Variants in ZNF609 observed in about 807,000 individuals in gnomAD.
The protein encoded by ZNF609 is zinc finger protein 609.
In ZNF609, 11 loss-of-function variants were observed where a neutral mutation model predicts 109.5. The ratio of observed to expected loss-of-function variants is 0.10; its 90% CI spans 0.06 to 0.17. The LOEUF (loss-of-function observed/expected upper bound fraction) is 0.17. ZNF609 is among the 10% of genes least tolerant of loss of function. ZNF609 has a pLI of 1.00. For missense variants in ZNF609, 1,559 were observed against 1,772.4 expected, an observed-to-expected ratio of 0.88 and a Z score of 2.16; for synonymous variants, 646 against 662.0, an observed-to-expected ratio of 0.98 and a Z score of 0.37.
chr15:64,482,376 G>A (rs1011118111), intron 1 of ZNF609, among the ~76,000 whole-genome samples: 2 of 148,330 alleles, frequency 1.3e-5, no homozygotes, highest in Non-Finnish European at 3.0e-5. Flanking sequence ...TTTCCTATAC[G>A]TTTTTTTTTT....
Position 64,674,787 on chromosome 15 carries a change from C to G in ZNF609, c.1933C>G (p.Pro645Ala). Residue 645 changes from proline to alanine, a missense_variant, in exon 5 of 10, where the codon CCT (proline) becomes GCT (alanine). Coordinates refer to ENST00000326648, the MANE Select transcript of ZNF609 (RefSeq NM_015042.2). ...ATGTAAAAAACCCTCTAGTTTAAAACCTGAAAAGATTCCTTCCAAGAGCCT... is the reference window on the plus strand; with the variant it reads ...ATGTAAAAAACCCTCTAGTTTAAAAGCTGAAAAGATTCCTTCCAAGAGCCT... The part of the protein sequence containing the change: ...EKCKKPSSLK[P>A]EKIPSKSLKS... 1 of 1,614,036 alleles carries G rather than the reference C, an allele frequency of 6.2e-7. No individual in the cohort carries two copies. The highest frequency in any genetic ancestry group is 8.5e-7 in the Non-Finnish European group (1 of 1,179,984).
intron 2 of ZNF609, among the ~76,000 whole-genome samples, chr15:64,599,168 GTTTTTTTTTTTTTTT>G (rs556122154): frequency 1.5e-4 from 7 of 46,498 alleles, no homozygotes; most frequent in East Asian, 1.3e-3. Flanking sequence ...TTTTGTGGTG[GTTTTTTTTTTTTTTT>G]TTTTTTTTTT....
intron 2 of ZNF609, among the ~76,000 whole-genome samples, chr15:64,536,306 G>A (rs977378321): frequency 3.9e-5 from 6 of 152,208 alleles, no homozygotes; most frequent in Admixed American, 2.0e-4. Context: ...ACAGGCATGC[G>A]CCCCTGTGCC....
At chr15:64,604,651 A>G (rs2140951857) in intron 2 of ZNF609, among the ~76,000 whole-genome samples, 1 of 152,308 alleles carries the variant, frequency 6.6e-6, no homozygotes, top group East Asian at 1.9e-4. Context: ...CAGTTATGAT[A>G]GAAATCTGGC....
chr15:64,635,088 C>T (rs1445505849), intron 3 of ZNF609, among the ~76,000 whole-genome samples: 2 of 152,148 alleles, frequency 1.3e-5, no homozygotes, highest in African/African-American at 4.8e-5. Flanking sequence ...ATAGACTAAT[C>T]TCCAGGGGAG....
intron 1 of ZNF609, among the ~76,000 whole-genome samples, chr15:64,464,299 A>G (rs1892981767): frequency 6.6e-6 from 1 of 152,228 alleles, no homozygotes; most frequent in Non-Finnish European, 1.5e-5. Context: ...GCCTGAGCTT[A>G]GCCATGGAGG....
At chr15:64,521,603 G>C (rs1030872726) in intron 2 of ZNF609, among the ~76,000 whole-genome samples, 2 of 152,172 alleles carry the variant, frequency 1.3e-5, no homozygotes, top group Non-Finnish European at 2.9e-5. Context: ...CGACAGTCAG[G>C]AGGAATTTAG....
At chr15:64,546,529 G>A (rs1165100078) in intron 2 of ZNF609, among the ~76,000 whole-genome samples, 1 of 151,642 alleles carries the variant, frequency 6.6e-6, no homozygotes, top group Non-Finnish European at 1.5e-5. Flanking sequence ...TTGGAGTGCG[G>A]TGGTGCGATC....
chr15:64,473,816 C>T (rs778333155), intron 1 of ZNF609, among the ~76,000 whole-genome samples: 2 of 152,086 alleles, frequency 1.3e-5, no homozygotes, highest in Non-Finnish European at 1.5e-5. Context: ...GTCGCCCACA[C>T]CCCGTCTCAG....
chr15:64,514,394 C>A (rs1008325740), intron 2 of ZNF609, among the ~76,000 whole-genome samples: 1 of 152,128 alleles, frequency 6.6e-6, no homozygotes, highest in Non-Finnish European at 1.5e-5. Context: ...CATTTCAGTT[C>A]CAACCTTCAT....
At chr15:64,582,749 CT>C (rs34273764) in intron 2 of ZNF609, among the ~76,000 whole-genome samples, 138 of 55,868 alleles carry the variant, frequency 2.5e-3, no homozygotes, top group African/African-American at 0.011. Context: ...GAGACAGAGT[CT>C]TTTTTTTTTT....
intron 2 of ZNF609, among the ~76,000 whole-genome samples, chr15:64,608,140 G>A (rs1895643835): frequency 2.6e-5 from 4 of 151,482 alleles, no homozygotes; most frequent in South Asian, 2.1e-4. Context: ...CAGGCAATCC[G>A]CCCGCCTTGG....
chr15:64,645,083 TTCCCTC>T (rs1896315148), intron 3 of ZNF609, among the ~76,000 whole-genome samples: 5 of 60,016 alleles, frequency 8.3e-5, no homozygotes, highest in African/African-American at 2.4e-4. Flanking sequence ...CTTCCTTTCT[TTCCCTC>T]CCTCCCTCCC....
At chr15:64,528,691 C>T in intron 2 of ZNF609, 1 of 1,173,898 alleles carries the variant, frequency 8.5e-7, no homozygotes, top group Non-Finnish European at 1.3e-6. Context: ...CATTGTGGGC[C>T]ATGAGGTGCA....
intron 2 of ZNF609, among the ~76,000 whole-genome samples, chr15:64,566,092 C>T (rs1894773023): frequency 6.6e-6 from 1 of 152,196 alleles, no homozygotes; most frequent in African/African-American, 2.4e-5. Context: ...TCAAGCAGTT[C>T]TCCCGCCTCA....
chr15:64,473,704 C>T (rs901074881), intron 1 of ZNF609, among the ~76,000 whole-genome samples: 1 of 151,992 alleles, frequency 6.6e-6, no homozygotes, highest in Non-Finnish European at 1.5e-5. Context: ...CTCCTGGGTT[C>T]AAGCGATTCT....
At chr15:64,471,630 C>G (rs1053739634) in intron 1 of ZNF609, among the ~76,000 whole-genome samples, 3 of 152,278 alleles carry the variant, frequency 2.0e-5, no homozygotes, top group Admixed American at 6.5e-5. Context: ...GTTGCCCAGG[C>G]TGGAGTGCAG....
At chr15:64,670,616 C>T (rs575839881) in intron 4 of ZNF609, among the ~76,000 whole-genome samples, 183 bp downstream of exon 4, 4 of 152,162 alleles carry the variant, frequency 2.6e-5, no homozygotes, top group Admixed American at 6.5e-5. Flanking sequence ...CGGTGGCTCA[C>T]GCCTGTAATC....
intron 3 of ZNF609, among the ~76,000 whole-genome samples, chr15:64,662,486 C>T (rs1896592960): frequency 1.3e-5 from 2 of 152,066 alleles, no homozygotes; most frequent in Admixed American, 1.3e-4. Context: ...CCAACAAGCC[C>T]AGATAATTTA....
Sources: gnomAD v4.1 joint callset for allele counts (sites outside exome capture counted in the v4.1 genomes callset) on GRCh38, gnomAD v4.1.1 for gene constraint, MANE v1.5 for transcripts, NCBI Gene and HGNC (gene_info 2026-07-23, HGNC 2026-07-21) for gene names.